Variants in CREB3L1 observed in about 807,000 individuals in gnomAD.
The protein encoded by CREB3L1 is cAMP responsive element binding protein 3 like 1.
Under a neutral mutation model 54.5 loss-of-function variants are expected in CREB3L1, and 33 were observed. The observed-to-expected ratio is 0.61, with a 90% CI of 0.46 to 0.81. The LOEUF (loss-of-function observed/expected upper bound fraction) is 0.81. Ranked by LOEUF, CREB3L1 falls within the 30% of genes least tolerant of loss-of-function variation. The probability of loss-of-function intolerance (pLI) is 0.00; values close to 1 mark genes in which losing one functional copy is unlikely to be tolerated. For missense variants in CREB3L1, 656 were observed against 673.3 expected, an observed-to-expected ratio of 0.97 and a Z score of 0.29; for synonymous variants, 284 against 286.4, an observed-to-expected ratio of 0.99 and a Z score of 0.08.
chr11:46,305,628 GTATATATATACA>G (rs200531686), intron 2 of CREB3L1, among the ~76,000 whole-genome samples: 1 of 133,178 alleles, frequency 7.5e-6, no homozygotes, highest in African/African-American at 2.9e-5. Context: ...GTATATATAT[GTATATATATACA>G]TATATATGTG....
intron 1 of CREB3L1, among the ~76,000 whole-genome samples, chr11:46,288,345 G>A (rs577703355): frequency 9.3e-4 from 142 of 152,316 alleles, no homozygotes; most frequent in Non-Finnish European, 1.9e-3. Context: ...GTCTCCCAAA[G>A]TGCTGGGATT....
intron 1 of CREB3L1, among the ~76,000 whole-genome samples, chr11:46,297,831 G>A (rs941541103): frequency 1.3e-5 from 2 of 152,176 alleles, no homozygotes; most frequent in Non-Finnish European, 2.9e-5. Flanking sequence ...AGCTCAGCTC[G>A]GGGACAGAGT....
rs565048248 is a variant in CREB3L1, at chr11:46,320,133, G to A, written c.1259-131G>A. On this transcript the variant is annotated intron_variant, in intron 10 of 11. Transcript: ENST00000621158. ...AAGCAAAGTGTGTGGCTTACCTGAG[G>A]TCACACATCCGGGAAGTGTCAGAGC... is the stretch of plus-strand genomic sequence containing the variant. The A allele has an allele frequency of 1.7e-5, 17 of 1,026,854 alleles. No individual in the cohort carries two copies. In the African/African-American group the frequency reaches 1.8e-4, roughly 11 times the overall value. The allele number at this position is 1,026,854 out of a possible 1,614,324, so 63.6% of individuals were successfully genotyped here.
intron 8 of CREB3L1, among the ~76,000 whole-genome samples, chr11:46,314,488 C>T (rs1939536650): frequency 6.6e-6 from 1 of 151,688 alleles, no homozygotes; most frequent in South Asian, 2.1e-4. Flanking sequence ...CTGATTCTCC[C>T]CCCTCAACCT....
In CREB3L1 at chr11:46,312,336, G is replaced by A. The variant is rs1158641528; in HGVS notation, c.765G>A (p.Gly255=). ...CATACTTCCTACAGAAATTACAGGG[G>A]ACATCAGGGCCACTGCTCCTGACAG... ...PLLTAPHKLQ[G]TSGPLLLTEE... is the part of the protein sequence containing the mutation. Residue 255 remains glycine, a synonymous_variant, in exon 6 of 12, where the codon GGG becomes GGA. Transcript: ENST00000621158. 1 of 1,598,434 alleles carries A rather than the reference G, an allele frequency of 6.3e-7. No individual in the cohort carries two copies. The highest frequency in any genetic ancestry group is 2.3e-5 in the East Asian group (1 of 44,258).
intron 1 of CREB3L1, among the ~76,000 whole-genome samples, chr11:46,299,418 T>C (rs564694540): frequency 2.0e-5 from 3 of 152,226 alleles, no homozygotes; most frequent in Non-Finnish European, 4.4e-5. Context: ...CCCACTGCCC[T>C]GCATCACTCC....
Position 46,312,845 on chromosome 11 carries a change from C to G in CREB3L1, c.963-6C>G. 2 of 1,588,082 alleles carry G rather than the reference C, an allele frequency of 1.3e-6. No homozygotes were observed. Among genetic ancestry groups the G allele is most frequent in the Non-Finnish European group, 1.7e-6 (2 of 1,167,264 alleles). On this transcript the variant is annotated splice_region_variant and splice_polypyrimidine_tract_variant and intron_variant, in intron 7 of 11. Coordinates refer to ENST00000621158, the MANE Select transcript of CREB3L1 (RefSeq NM_052854.4). ...CCCTGAGCCTGTGCCTGCTTGGCCC[C>G]TACAGGGTGGAGACATTTACATCTG...
chr11:46,320,328 C>T lies in CREB3L1; in HGVS notation c.1323C>T (p.Thr441=). 6.2e-7 allele frequency: 1 copy of T among 1,612,932 alleles called. No homozygotes were observed. Among genetic ancestry groups the T allele is most frequent in the Non-Finnish European group, 8.5e-7 (1 of 1,179,520 alleles). The change falls in exon 11 of 12, where the codon ACC becomes ACT. Residue 441 remains threonine (T), a synonymous_variant. Transcript: ENST00000621158. Reference sequence around the variant, plus strand: ...GCTTATGGGAAGATGGCCGCAGCACCCTGCTGCCCATGGAGCCCCCAGATG... The same window carrying T: ...GCTTATGGGAAGATGGCCGCAGCACTCTGCTGCCCATGGAGCCCCCAGATG... ...GAGLWEDGRS[T]LLPMEPPDGW...
chr11:46,315,181 G>A, intron 8 of CREB3L1: 2 of 331,846 alleles, frequency 6.0e-6, no homozygotes, highest in South Asian at 5.5e-5. Flanking sequence ...CTTCTCCAGC[G>A]GGATCCAGCC....
chr11:46,281,200 T>G (rs1261572020), intron 1 of CREB3L1, among the ~76,000 whole-genome samples: 1 of 152,216 alleles, frequency 6.6e-6, no homozygotes, highest in African/African-American at 2.4e-5. Flanking sequence ...ATCTCCTCCC[T>G]GCCCCTCCCG....
intron 3 of CREB3L1, among the ~76,000 whole-genome samples, chr11:46,309,268 C>G (rs1191619873): frequency 6.6e-6 from 1 of 152,192 alleles, no homozygotes; most frequent in Non-Finnish European, 1.5e-5. Flanking sequence ...CATGATCTCT[C>G]TGGGGCTGCA....
chr11:46,312,988 C>A, intron 8 of CREB3L1, 69 bp downstream of exon 8: 2 of 1,167,318 alleles, frequency 1.7e-6, no homozygotes, highest in Non-Finnish European at 2.4e-6. Context: ...CTCTGCATAG[C>A]TCTGGGAGAC....
At chr11:46,319,021 T>C (rs1320961510) in intron 10 of CREB3L1, among the ~76,000 whole-genome samples, 1 of 152,056 alleles carries the variant, frequency 6.6e-6, no homozygotes, top group Non-Finnish European at 1.5e-5. Context: ...TGGAGAGCCA[T>C]GTGTCTGCTT....
At chr11:46,301,587 T>C (rs1566186079) in intron 2 of CREB3L1, among the ~76,000 whole-genome samples, 1 of 151,488 alleles carries the variant, frequency 6.6e-6, no homozygotes, top group Non-Finnish European at 1.5e-5. Context: ...CACTTGAACC[T>C]GGGAGGCGGA....
At position 46,311,132 on chromosome 11, in the gene CREB3L1, G is replaced by A. The variant is rs1318380700; in HGVS notation, c.696G>A (p.Arg232=). ...CTCTGCCCCCCTCCAGCCCTGTCAG[G>A]CCCATGGCGCGCTCCTCCACGGCCA... ...PRSLPPSSPV[R]PMARSSTAIS... Residue 232 remains arginine (R), a synonymous_variant, in exon 5 of 12, where the codon AGG becomes AGA. Coordinates refer to ENST00000621158, the MANE Select transcript of CREB3L1 (RefSeq NM_052854.4). 5 of 1,605,214 alleles carry A rather than the reference G, an allele frequency of 3.1e-6. No homozygotes were observed. The Middle Eastern group carries it at 6.6e-4, about 211-fold the overall frequency.
chr11:46,288,080 T>C (rs551498056), intron 1 of CREB3L1, among the ~76,000 whole-genome samples: 1 of 152,202 alleles, frequency 6.6e-6, no homozygotes, highest in South Asian at 2.1e-4. Flanking sequence ...ATTTTATTTA[T>C]TTATTTATTC....
intron 2 of CREB3L1, among the ~76,000 whole-genome samples, chr11:46,305,664 GTA>G (rs1343119966): frequency 5.4e-5 from 7 of 130,418 alleles, no homozygotes; most frequent in East Asian, 2.0e-4. Flanking sequence ...ATATATGTGT[GTA>G]TATATATGTG....
chr11:46,284,011 G>A (rs1215639340), intron 1 of CREB3L1, among the ~76,000 whole-genome samples: 3 of 152,140 alleles, frequency 2.0e-5, no homozygotes, highest in Non-Finnish European at 2.9e-5. Context: ...TCTGTGCCCC[G>A]ATATGTTGTG....
At chr11:46,293,314 C>T (rs1002999049) in intron 1 of CREB3L1, among the ~76,000 whole-genome samples, 1 of 152,198 alleles carries the variant, frequency 6.6e-6, no homozygotes, top group Non-Finnish European at 1.5e-5. Flanking sequence ...CCCTGGGCGG[C>T]GGCACTCGCT....
Sources: gnomAD v4.1 joint callset for allele counts (sites outside exome capture counted in the v4.1 genomes callset) on GRCh38, gnomAD v4.1.1 for gene constraint, MANE v1.5 for transcripts, NCBI Gene and HGNC (gene_info 2026-07-23, HGNC 2026-07-21) for gene names.